SGCG: variants seen among roughly 807,000 people sequenced by gnomAD.
The protein encoded by SGCG is gamma-sarcoglycan.
A neutral mutation model predicts 29.3 loss-of-function variants in SGCG; 26 were observed. The ratio of observed to expected loss-of-function variants is 0.89; its 90% CI spans 0.65 to 1.23. The LOEUF (loss-of-function observed/expected upper bound fraction) is 1.23. Among genes scored for constraint, SGCG ranks in the 50% most tolerant of loss-of-function variants. The pLI is 0.00. For synonymous variants in SGCG, 145 were observed against 129.7 expected, an observed-to-expected ratio of 1.12 and a Z score of -0.80; for missense variants, 353 against 356.0, an observed-to-expected ratio of 0.99 and a Z score of 0.07.
intron 2 of SGCG, among the ~76,000 whole-genome samples, chr13:23,219,827 C>CTTTTTTT (rs1184090222): frequency 3.1e-4 from 31 of 99,234 alleles, no homozygotes; most frequent in East Asian, 6.6e-4. Flanking sequence ...ATTTCTTTTC[C>CTTTTTTT]TTTTTTTTTT....
chr13:23,312,604 T>C (rs957338172), intron 6 of SGCG, among the ~76,000 whole-genome samples: 4 of 152,130 alleles, frequency 2.6e-5, no homozygotes, highest in African/African-American at 9.7e-5. Context: ...CGTAGCAGGT[T>C]GGGAGGATCA....
In SGCG at chr13:23,324,781, GATTA is replaced by G. The variant is rs1198250522; in HGVS notation, c.*244_*247del. Reference sequence around the variant, plus strand: ...GGAAAAGCAATGTGTTTTTCCACTGGATTAATTTTCACCGGAACAATTGCGAATT... The same window carrying G: ...GGAAAAGCAATGTGTTTTTCCACTGGATTTTCACCGGAACAATTGCGAATT... On this transcript the variant is annotated 3_prime_UTR_variant, in exon 8 of 8. Transcript: ENST00000218867. 9.5e-6 allele frequency: 5 copies of G among 528,878 alleles called. No homozygotes were observed. Among genetic ancestry groups the G allele is most frequent in the Middle Eastern group, 5.2e-4 (1 of 1,922 alleles). 32.8% of individuals were successfully genotyped at this position (528,878 alleles called of 1,614,324 possible).
At chr13:23,191,329 A>G (rs1309394931) in intron 1 of SGCG, among the ~76,000 whole-genome samples, 1 of 152,174 alleles carries the variant, frequency 6.6e-6, no homozygotes, top group Non-Finnish European at 1.5e-5. Flanking sequence ...AGTAGAGTTG[A>G]AGGAGGGAAT....
chr13:23,279,376 G>A lies in SGCG; in HGVS notation c.403G>A (p.Val135Ile). The A allele has an allele frequency of 6.2e-7, 1 of 1,613,070 alleles. No homozygotes were observed. Among genetic ancestry groups the A allele is most frequent in the Non-Finnish European group, 8.5e-7 (1 of 1,179,360 alleles). Residue 135 changes from valine to isoleucine, a missense_variant, in exon 5 of 8, where the codon GTC becomes ATC. Physicochemically the swap from Val to Ile is conservative, Grantham distance 29. Transcript: ENST00000218867. ...RLKVGPKMVE[V>I]QNQQFQINSN... ...TTCTTCAGGTCCCAAAATGGTAGAA[G>A]TCCAGAATCAACAGTTTCAGATCAA... is the stretch of plus-strand genomic sequence containing the variant.
At chr13:23,167,875 G>A in the SGCG span, among the ~76,000 whole-genome samples, 2 of 151,958 alleles carry the variant, frequency 1.3e-5, no homozygotes, top group Non-Finnish European at 2.9e-5. Context: ...GGGATTACAG[G>A]CGCGTGCCAT....
intron 3 of SGCG, among the ~76,000 whole-genome samples, chr13:23,240,965 C>T (rs1392729838): frequency 6.6e-5 from 10 of 151,660 alleles, no homozygotes; most frequent in South Asian, 2.1e-4. Flanking sequence ...CATCCTAACA[C>T]GGTGAAACCC....
intron 4 of SGCG, among the ~76,000 whole-genome samples, chr13:23,259,781 C>T (rs966173436): frequency 3.9e-5 from 6 of 152,150 alleles, no homozygotes; most frequent in Non-Finnish European, 7.3e-5. Context: ...ATCTTTATTT[C>T]TGCCTTCATT....
chr13:23,161,744 C>T, the SGCG span, among the ~76,000 whole-genome samples: 1 of 152,200 alleles, frequency 6.6e-6, no homozygotes, highest in Admixed American at 6.5e-5. Context: ...GGCATCCATC[C>T]ACATGTGTTA....
At chr13:23,192,172 C>CT (rs370059660) in intron 1 of SGCG, among the ~76,000 whole-genome samples, 29,642 of 117,780 alleles carry the variant, frequency 0.25, 3,475 homozygotes, top group East Asian at 0.3. Context: ...GAGACTGCGT[C>CT]CCAAAAAAAA....
intron 2 of SGCG, among the ~76,000 whole-genome samples, chr13:23,210,371 A>G (rs1878144670): frequency 6.6e-6 from 1 of 152,050 alleles, no homozygotes; most frequent in Admixed American, 6.6e-5. Context: ...TGTCTTTTTT[A>G]TTTTTGTGAC....
rs1340444783 is a variant in SGCG, at chr13:23,234,653, T to C, written c.238T>C (p.Leu80=). Residue 80 remains leucine (L), a synonymous_variant, in exon 3 of 8, where the codon TTG becomes CTG. Coordinates refer to ENST00000218867, the MANE Select transcript of SGCG (RefSeq NM_000231.3). Reference sequence around the variant, plus strand: ...GTGTGTAACAAAAGATGGACTGCGCTTGGAAGGGGAATCAGAATTTTTATT... The same window carrying C: ...GTGTGTAACAAAAGATGGACTGCGCCTGGAAGGGGAATCAGAATTTTTATT... ...HLCVTKDGLR[L]EGESEFLFPL... 1 of 1,613,314 alleles carries C rather than the reference T, an allele frequency of 6.2e-7. No homozygotes were observed. Among genetic ancestry groups the C allele is most frequent in the Non-Finnish European group, 8.5e-7 (1 of 1,179,436 alleles).
chr13:23,190,112 T>C (rs1877179399), intron 1 of SGCG, among the ~76,000 whole-genome samples: 1 of 150,124 alleles, frequency 6.7e-6, no homozygotes, highest in Non-Finnish European at 1.5e-5. Context: ...TGAAAATAAT[T>C]TTAGTATAAT....
intron 3 of SGCG, among the ~76,000 whole-genome samples, chr13:23,238,413 A>G (rs766043385): frequency 3.3e-5 from 5 of 152,184 alleles, no homozygotes; most frequent in Non-Finnish European, 5.9e-5. Flanking sequence ...AGACTAGTGA[A>G]ATACCCACTC....
chr13:23,316,204 T>C (rs887607202), intron 6 of SGCG, among the ~76,000 whole-genome samples: 9 of 152,208 alleles, frequency 5.9e-5, no homozygotes, highest in Non-Finnish European at 1.3e-4. Context: ...TTGGATTATA[T>C]TGGACCTCTT....
At chr13:23,166,329 G>A in the SGCG span, among the ~76,000 whole-genome samples, 1 of 151,992 alleles carries the variant, frequency 6.6e-6, no homozygotes, top group Non-Finnish European at 1.5e-5. Context: ...CCGAGTAGCT[G>A]GGACTACAGG....
chr13:23,320,372 G>T (rs768122522), intron 6 of SGCG, among the ~76,000 whole-genome samples: 14 of 152,208 alleles, frequency 9.2e-5, no homozygotes, highest in Non-Finnish European at 1.8e-4. Context: ...GGAAACTGCT[G>T]CATGGGATTA....
In SGCG at chr13:23,299,236, A is replaced by G. The variant is rs1268642917; in HGVS notation, c.578+3749A>G. Among the ~76,000 whole-genome samples the G allele has an allele frequency of 3.3e-5, 5 of 151,200 alleles. No homozygotes were observed. The East Asian group carries it at 9.7e-4, about 29-fold the overall frequency. The stretch of plus-strand genomic sequence containing the variant: ...CCACCACCCAGCGGATCCTTGAGAG[A>G]TTGATTCTTTGATTTACACTGAGAT... On this transcript the variant is annotated intron_variant, in intron 6 of 7. Coordinates refer to ENST00000218867, the MANE Select transcript of SGCG (RefSeq NM_000231.3).
chr13:23,163,742 T>C, the SGCG span, among the ~76,000 whole-genome samples: 21 of 152,260 alleles, frequency 1.4e-4, no homozygotes, highest in East Asian at 1.9e-4. Flanking sequence ...AACTAAGATA[T>C]AGTAAGTTAC....
intron 1 of SGCG, among the ~76,000 whole-genome samples, chr13:23,201,199 G>T (rs1018261636): frequency 6.6e-6 from 1 of 152,166 alleles, no homozygotes; most frequent in East Asian, 1.9e-4. Flanking sequence ...TAACAGGATT[G>T]CTGTCAGCTC....
Sources: allele counts gnomAD v4.1 joint callset (sites outside exome capture counted in the v4.1 genomes callset), GRCh38; gene constraint gnomAD v4.1.1; transcripts MANE v1.5; gene names NCBI Gene and HGNC (gene_info 2026-07-23, HGNC 2026-07-21).